C2orf69: variants seen among roughly 807,000 people sequenced by gnomAD.
C2orf69 encodes chromosome 2 open reading frame 69, also known as mitochondrial protein C2orf69.
A neutral mutation model predicts 29.5 loss-of-function variants in C2orf69; 19 were observed. That is an observed-to-expected ratio of 0.65 (90% CI 0.45 to 0.95). C2orf69 has a LOEUF of 0.95. Ranked by LOEUF, C2orf69 falls within the 40% of genes least tolerant of loss-of-function variation. C2orf69 has a pLI of 0.00. For synonymous variants in C2orf69, 194 were observed against 180.0 expected (o/e 1.08, Z -0.62); for missense variants, 416 against 482.1 (o/e 0.86, Z 1.28).
At chr2:199,922,856 T>A (rs2077322241) in intron 1 of C2orf69, among the ~76,000 whole-genome samples, 1 of 152,234 alleles carries the variant, frequency 6.6e-6, no homozygotes, top group Non-Finnish European at 1.5e-5. Flanking sequence ...AGTAATATTT[T>A]CAAAGCATAT....
chr2:199,911,701 G>T lies in C2orf69; in HGVS notation c.263G>T (p.Gly88Val), dbSNP rs1403237150. ...GGACTGGAGCGGCAGGACCTCCCCG[G>T]GGACCCAGCGAAGGAGGAGCCGCAG... ...GEGLERQDLP[G>V]DPAKEEPQPP... Residue 88 changes from glycine (G) to valine (V), a missense_variant, in exon 1 of 2, where the codon GGG (glycine) becomes GTG (valine). Coordinates refer to ENST00000319974, the MANE Select transcript of C2orf69 (RefSeq NM_153689.6). 1 of 1,545,892 alleles carries T rather than the reference G, an allele frequency of 6.5e-7. No homozygotes were observed. The highest frequency in any genetic ancestry group is 8.7e-7 in the Non-Finnish European group (1 of 1,146,920).
At chr2:199,918,603 C>A (rs2106636411) in intron 1 of C2orf69, among the ~76,000 whole-genome samples, 2 of 152,262 alleles carry the variant, frequency 1.3e-5, no homozygotes, top group Middle Eastern at 6.8e-3. Context: ...CTCAAGTGAT[C>A]TGCCTGCGTG....
chr2:199,924,178 TAGG>T (rs1418455159), intron 1 of C2orf69, among the ~76,000 whole-genome samples: 1 of 151,954 alleles, frequency 6.6e-6, no homozygotes, highest in Non-Finnish European at 1.5e-5. Context: ...AAGAATGAGG[TAGG>T]AGGATGGTTT....
chr2:199,918,319 A>G (rs1230201820), intron 1 of C2orf69, among the ~76,000 whole-genome samples: 1 of 152,126 alleles, frequency 6.6e-6, no homozygotes, highest in Non-Finnish European at 1.5e-5. Context: ...CCTTGGGTAT[A>G]TAATTATATG....
intron 1 of C2orf69, among the ~76,000 whole-genome samples, chr2:199,912,105 GGACC>G (rs1241897169): frequency 6.6e-6 from 1 of 152,196 alleles, no homozygotes; most frequent in Non-Finnish European, 1.5e-5. Flanking sequence ...GTTTCTCAGA[GGACC>G]GTGTGTGTGT....
At chr2:199,916,148 A>T (rs1391172037) in intron 1 of C2orf69, among the ~76,000 whole-genome samples, 1 of 152,192 alleles carries the variant, frequency 6.6e-6, no homozygotes, top group East Asian at 1.9e-4. Context: ...CAGAAGGGGA[A>T]GCAAATGTGT....
chr2:199,913,636 A>G (rs1468534169), intron 1 of C2orf69, among the ~76,000 whole-genome samples: 8 of 145,154 alleles, frequency 5.5e-5, no homozygotes, highest in Non-Finnish European at 9.0e-5. Flanking sequence ...AAAACTGGAG[A>G]AAAAAAAAGA....
rs761184433 is a variant in C2orf69 at position 199,925,253 on chromosome 2, A to G, written c.525A>G (p.Pro175=). The G allele has an allele frequency of 8.3e-5, 134 of 1,612,310 alleles. No homozygotes were observed. The highest frequency in any genetic ancestry group is 1.1e-4 in the Non-Finnish European group (128 of 1,179,832). The change falls in exon 2 of 2, where the codon CCA becomes CCG. Residue 175 remains proline (P), a synonymous_variant. Coordinates refer to ENST00000319974, the MANE Select transcript of C2orf69 (RefSeq NM_153689.6). The surrounding 1 kb of genome is among the most constrained non-coding windows in gnomAD (Gnocchi z 4.9). The stretch of plus-strand genomic sequence containing the variant: ...TGAAAAGTAACATGTTTGGTGCCCC[A>G]GAACACAATACTGACTTTGGAGCTT... ...NFVKSNMFGA[P]EHNTDFGAFK...
At chr2:199,918,085 C>T (rs968038312) in intron 1 of C2orf69, among the ~76,000 whole-genome samples, 6 of 152,166 alleles carry the variant, frequency 3.9e-5, no homozygotes, top group East Asian at 1.9e-4. Context: ...GGAGGGTAAC[C>T]GCCCCATGAT....
At position 199,927,685 on chromosome 2, in the gene C2orf69, TACATATTAC is replaced by T. The variant is rs2077341156; in HGVS notation, c.*1801_*1809del. ...ATAAATCAGCCTGATTTTAACATTTTACATATTACATTGCCTTTAAGCACTATGATTGGA... is the reference window on the plus strand; with the variant it reads ...ATAAATCAGCCTGATTTTAACATTTTATTGCCTTTAAGCACTATGATTGGA... On this transcript the variant is annotated 3_prime_UTR_variant, in exon 2 of 2. Transcript: ENST00000319974. 2 of 152,050 alleles carry T rather than the reference TACATATTAC, an allele frequency of 1.3e-5. No homozygotes were observed. Among genetic ancestry groups the T allele is most frequent in the Non-Finnish European group, 2.9e-5 (2 of 67,956 alleles). The allele number at this position is 152,050 out of a possible 1,614,324, so 9.4% of individuals were successfully genotyped here. A position where few individuals can be genotyped will look rare whatever the true frequency, so the allele number is the denominator to read the frequency against.
chr2:199,924,828 T>C (rs2077329662), intron 1 of C2orf69, among the ~76,000 whole-genome samples: 1 of 152,094 alleles, frequency 6.6e-6, no homozygotes, highest in Non-Finnish European at 1.5e-5. Flanking sequence ...TTCATGTAGG[T>C]ATAACTTACT....
intron 1 of C2orf69, among the ~76,000 whole-genome samples, chr2:199,914,304 A>G (rs1171110811): frequency 6.6e-6 from 1 of 152,192 alleles, no homozygotes; most frequent in Non-Finnish European, 1.5e-5. Flanking sequence ...TTCCTTTTGG[A>G]TATTTAATAG....
chr2:199,913,068 T>C (rs542515687), intron 1 of C2orf69, among the ~76,000 whole-genome samples: 1 of 146,470 alleles, frequency 6.8e-6, no homozygotes, highest in South Asian at 2.1e-4. Context: ...TATATAGATA[T>C]AGATATAGAT....
intron 1 of C2orf69, among the ~76,000 whole-genome samples, chr2:199,918,129 G>A (rs1255205143): frequency 6.6e-6 from 1 of 152,156 alleles, no homozygotes; most frequent in African/African-American, 2.4e-5. Flanking sequence ...TCCCATGTGG[G>A]GATTATGGGA....
chr2:199,913,895 A>T (rs2077283885), intron 1 of C2orf69, among the ~76,000 whole-genome samples: 1 of 152,148 alleles, frequency 6.6e-6, no homozygotes, highest in Admixed American at 6.5e-5. Flanking sequence ...AAGTCTTCAG[A>T]GGAAGTCTAA....
chr2:199,922,818 C>G (rs951565272), intron 1 of C2orf69, among the ~76,000 whole-genome samples: 3 of 152,220 alleles, frequency 2.0e-5, no homozygotes, highest in Non-Finnish European at 4.4e-5. Flanking sequence ...CTTGCATCAG[C>G]TATTGCCCCT....
At chr2:199,913,194 A>ATATAATATATAATATATTC (rs2077275510) in intron 1 of C2orf69, among the ~76,000 whole-genome samples, 1 of 93,226 alleles carries the variant, frequency 1.1e-5, no homozygotes, top group Non-Finnish European at 1.9e-5. Context: ...TATATATATT[A>ATATAATATATAATATATTC]TATATAATAT....
At chr2:199,922,597 T>C (rs749442937) in intron 1 of C2orf69, among the ~76,000 whole-genome samples, 3 of 152,188 alleles carry the variant, frequency 2.0e-5, no homozygotes, top group Non-Finnish European at 4.4e-5. Context: ...AAGGAAGGTG[T>C]ATTTAAAACT....
chr2:199,924,441 A>T (rs2077328438), intron 1 of C2orf69, among the ~76,000 whole-genome samples: 1 of 152,202 alleles, frequency 6.6e-6, no homozygotes, highest in African/African-American at 2.4e-5. Flanking sequence ...GGATATGAAT[A>T]GGCAAGAGTA....
Sources: gnomAD v4.1 joint callset for allele counts (sites outside exome capture counted in the v4.1 genomes callset) on GRCh38, gnomAD v4.1.1 for gene constraint, Gnocchi (gnomAD v3.1) non-coding constraint, MANE v1.5 for transcripts, NCBI Gene and HGNC (gene_info 2026-07-23, HGNC 2026-07-21) for gene names.